The following RCC1L variants were observed in gnomAD, a reference collection of about 807,000 sequenced individuals.
RCC1L encodes the protein RCC1 like.
A neutral mutation model predicts 58.6 loss-of-function variants in RCC1L; 46 were observed. That is an observed-to-expected ratio of 0.79 (90% CI 0.62 to 1.00). The LOEUF is 1.00. Ranked by LOEUF, RCC1L falls within the 50% of genes least tolerant of loss-of-function variation. RCC1L has a pLI of 0.00. For synonymous variants in RCC1L, 281 were observed against 262.9 expected, an observed-to-expected ratio of 1.07 and a Z score of -0.67; for missense variants, 636 against 623.6, an observed-to-expected ratio of 1.02 and a Z score of -0.21.
rs1212608729 is a variant in RCC1L at position 75,072,155 on chromosome 7, C to CATATATATATATATATATAT, written c.324+1258_324+1259insATATATATATATATATATAT. Among the ~76,000 whole-genome samples the CATATATATATATATATATAT allele has an allele frequency of 4.6e-3, 219 of 47,852 alleles. 4 individuals are homozygous for CATATATATATATATATATAT. Among genetic ancestry groups the CATATATATATATATATATAT allele is most frequent in the East Asian group, 7.2e-3 (6 of 838 alleles). The allele number at this position is 47,852 out of a possible 152,430, so 31.4% of individuals were successfully genotyped here. Reference sequence around the variant, plus strand: ...TTTTAAATTTATACATATACATATACATATACATATATATATATATATATA... The same window carrying CATATATATATATATATATAT: ...TTTTAAATTTATACATATACATATACATATATATATATATATATATATATACATATATATATATATATATA... On this transcript the variant is annotated intron_variant, in intron 1 of 10. Coordinates refer to ENST00000610322, the MANE Select transcript of RCC1L (RefSeq NM_030798.5).
At position 75,073,782 on chromosome 7, in the gene RCC1L, G is replaced by T; in HGVS notation, c.-45C>A. 6.7e-7 allele frequency: 1 copy of T among 1,493,712 alleles called. No homozygotes were observed. The highest frequency in any genetic ancestry group is 8.9e-7 in the Non-Finnish European group (1 of 1,129,082). The allele number at this position is 1,493,712 out of a possible 1,614,324, so 92.5% of individuals were successfully genotyped here. A position where few individuals can be genotyped will look rare whatever the true frequency, so the allele number is the denominator to read the frequency against. Reference sequence around the variant, plus strand: ...CAGCCTCTGGGCGCCGCCATCTTGCGTGACCCTTAACACCAGTCCTCGCCG... The same window carrying T: ...CAGCCTCTGGGCGCCGCCATCTTGCTTGACCCTTAACACCAGTCCTCGCCG... On this transcript the variant is annotated 5_prime_UTR_variant, in exon 1 of 11. Coordinates refer to ENST00000610322, the MANE Select transcript of RCC1L (RefSeq NM_030798.5).
intron 9 of RCC1L, 79 bp downstream of exon 9, chr7:75,055,822 T>C: frequency 1.9e-6 from 3 of 1,551,970 alleles, no homozygotes; most frequent in Middle Eastern, 1.7e-4. Context: ...ACCTGAGAGC[T>C]GCCCGCAGTT....
At chr7:75,036,230 C>A (rs1001115652) in intron 10 of RCC1L, among the ~76,000 whole-genome samples, 12 of 151,038 alleles carry the variant, frequency 7.9e-5, no homozygotes, top group Admixed American at 2.0e-4. Context: ...AATTCTCCTG[C>A]CTCAGCCTCC....
At chr7:75,043,213 T>A (rs981407430) in intron 10 of RCC1L, 104 bp from the exon 11 acceptor site, 2 of 1,281,564 alleles carry the variant, frequency 1.6e-6, no homozygotes, top group East Asian at 2.3e-5. Context: ...GGAGACTCAG[T>A]AGGAGACAGC....
Position 75,056,099 on chromosome 7 carries a change from C to G in RCC1L, c.1058-25G>C. 1.9e-6 allele frequency: 3 copies of G among 1,613,788 alleles called. No homozygotes were observed. The South Asian group carries it at 3.3e-5, about 18-fold the overall frequency. ...CCTACATTACAGTAAAAACAAGGGT[C>G]AGTAAGTCCATCCAAGTAAGAACCT... On this transcript the variant is annotated intron_variant, in intron 8 of 10. Transcript: ENST00000610322.
At chr7:75,058,303 C>A in intron 7 of RCC1L, 1 of 400,096 alleles carries the variant, frequency 2.5e-6, no homozygotes. Flanking sequence ...GTGGCACGAT[C>A]TCAGCTCACT....
chr7:75,073,042 C>T (rs1454898013), intron 1 of RCC1L, among the ~76,000 whole-genome samples: 2 of 152,230 alleles, frequency 1.3e-5, no homozygotes, highest in Admixed American at 6.5e-5. Context: ...GCTTTCCTAA[C>T]ATCAGAACTC....
chr7:75,029,003 C>T (rs900836783), intron 10 of RCC1L, among the ~76,000 whole-genome samples: 14 of 152,120 alleles, frequency 9.2e-5, no homozygotes, highest in African/African-American at 3.4e-4. Flanking sequence ...GAAGCAGCAG[C>T]GTAGCCAGGG....
chr7:75,058,755 T>C lies in RCC1L; in HGVS notation c.802A>G (p.Asn268Asp), dbSNP rs868974204. 6.3e-4 allele frequency: 1,012 copies of C among 1,613,966 alleles called. 9 individuals are homozygous for C. In the African/African-American group the frequency reaches 0.011, roughly 18 times the overall value. ...AGCTTGGTGGGCGAGCTGGTGATAT[T>C]GTAGTGACCCAGACCTAACACAGTG... ...ADGQTGLGHY[N>D]ITSSPTKLGG... The change falls in exon 7 of 11, where the codon AAT becomes GAT. Residue 268 changes from asparagine to aspartate, a missense_variant. Physicochemically the swap from Asn to Asp is conservative, Grantham distance 23 (BLOSUM62 1). Coordinates refer to ENST00000610322, the MANE Select transcript of RCC1L (RefSeq NM_030798.5).
At chr7:75,032,307 CTG>C (rs1262863126) in intron 10 of RCC1L, among the ~76,000 whole-genome samples, 2 of 152,178 alleles carry the variant, frequency 1.3e-5, no homozygotes, top group Non-Finnish European at 2.9e-5. Context: ...CGAAGGGTCT[CTG>C]ACCCAAACCT....
Position 75,073,662 on chromosome 7 carries a change from A to G in RCC1L, c.76T>C (p.Trp26Arg). ...LSGPGLGRGH[W>R]TAAGRSRSRR... Reference sequence around the variant, plus strand: ...CTCCGGGAGCGCCCGGCCGCCGTCCAGTGCCCTCGCCCCAGCCCCGGCCCG... The same window carrying G: ...CTCCGGGAGCGCCCGGCCGCCGTCCGGTGCCCTCGCCCCAGCCCCGGCCCG... The change falls in exon 1 of 11, where the codon TGG becomes CGG. Residue 26 changes from tryptophan (W) to arginine (R), a missense_variant. Trp to Arg is a moderately radical substitution (Grantham distance 101). Transcript: ENST00000610322. 1 of 1,484,776 alleles carries G rather than the reference A, an allele frequency of 6.7e-7. No homozygotes were observed. The highest frequency in any genetic ancestry group is 1.3e-5 in the South Asian group (1 of 78,056). 92.0% of individuals were successfully genotyped at this position (1,484,776 alleles called of 1,614,324 possible).
intron 5 of RCC1L, among the ~76,000 whole-genome samples, chr7:75,062,288 C>T (rs909454035): frequency 9.2e-5 from 14 of 152,198 alleles, no homozygotes; most frequent in Admixed American, 3.3e-4. Context: ...GCAGCCAAGG[C>T]GGGAGGATGG....
chr7:75,031,722 C>T (rs1745068400), intron 10 of RCC1L, among the ~76,000 whole-genome samples: 1 of 152,054 alleles, frequency 6.6e-6, no homozygotes, highest in African/African-American at 2.4e-5. Flanking sequence ...TAACAAGTTG[C>T]CCCCAAACTT....
intron 7 of RCC1L, 102 bp from the exon 8 acceptor site, chr7:75,057,718 T>C: frequency 1.0e-6 from 1 of 989,148 alleles, no homozygotes; most frequent in Non-Finnish European, 1.6e-6. Context: ...AGTTCATTCA[T>C]TCACTCCACA....
At chr7:75,038,701 G>A (rs1273376544), downstream of RCC1L, among the ~76,000 whole-genome samples, 1 of 152,160 alleles carries the variant, frequency 6.6e-6, no homozygotes, top group Non-Finnish European at 1.5e-5. Flanking sequence ...CCTGTGGGTA[G>A]TCTGGTGACT....
intron 10 of RCC1L, among the ~76,000 whole-genome samples, chr7:75,044,408 G>T (rs1336923347): frequency 2.6e-5 from 4 of 151,700 alleles, no homozygotes; most frequent in African/African-American, 9.7e-5. Flanking sequence ...AGACCAGCCT[G>T]GCCAACATGG....
chr7:75,043,201 T>C, intron 10 of RCC1L, 92 bp from the exon 11 acceptor site: 1 of 1,403,514 alleles, frequency 7.1e-7, no homozygotes, highest in South Asian at 1.2e-5. Context: ...TGCCTCTCAG[T>C]AGGAGACTCA....
intron 1 of RCC1L, among the ~76,000 whole-genome samples, 185 bp downstream of exon 1, chr7:75,073,229 C>T (rs1806831027): frequency 6.6e-6 from 1 of 152,220 alleles, no homozygotes. Flanking sequence ...GCACTGCCAC[C>T]CAATAAATGT....
At chr7:75,027,822 T>A in exon 11 of RCC1L, 1 of 630,108 alleles carries the variant, frequency 1.6e-6, no homozygotes, top group Non-Finnish European at 2.8e-6. Flanking sequence ...CTTGGTTTGG[T>A]CTCCACAGCT....
Sources: gnomAD v4.1 joint callset for allele counts (sites outside exome capture counted in the v4.1 genomes callset) on GRCh38, gnomAD v4.1.1 for gene constraint, MANE v1.5 for transcripts, NCBI Gene and HGNC (gene_info 2026-07-23, HGNC 2026-07-21) for gene names.